The following FRY variants were observed in gnomAD, a reference collection of about 807,000 sequenced individuals.
FRY encodes the protein FRY microtubule binding protein, also known as protein furry homolog.
FRY carries 128 observed loss-of-function variants against 348.4 expected under a neutral mutation model. The observed-to-expected ratio is 0.37, with a 90% CI of 0.32 to 0.43. FRY has a LOEUF of 0.43. FRY is among the 20% of genes least tolerant of loss of function. The pLI, the probability that FRY is intolerant of heterozygous loss-of-function variation, is 1.00. For missense variants in FRY, 2,736 were observed against 3,695.2 expected (o/e 0.74, Z 6.73); for synonymous variants, 1,370 against 1,374.7 (o/e 1.00, Z 0.08).
At chr13:32,058,457 T>G (rs1167751589) in intron 1 of FRY, among the ~76,000 whole-genome samples, 1 of 152,230 alleles carries the variant, frequency 6.6e-6, no homozygotes, top group Non-Finnish European at 1.5e-5. Flanking sequence ...AAAGGCATTC[T>G]CTTTCTATAC....
intron 17 of FRY, among the ~76,000 whole-genome samples, chr13:32,166,392 T>TC (rs1209286191): frequency 1.3e-5 from 2 of 152,156 alleles, no homozygotes; most frequent in African/African-American, 4.8e-5. Context: ...GGAACTGCTG[T>TC]CCCCCACCCT....
intron 8 of FRY, among the ~76,000 whole-genome samples, chr13:32,133,736 T>G (rs1879515047): frequency 2.0e-5 from 3 of 151,056 alleles, no homozygotes; most frequent in Admixed American, 1.3e-4. Context: ...ATATTTAGCC[T>G]TGGACTCTTT....
intron 3 of FRY, 89 bp from the exon 4 acceptor site, chr13:32,117,245 G>A (rs1878355091): frequency 2.6e-6 from 3 of 1,146,610 alleles, no homozygotes; most frequent in East Asian, 2.5e-5. Context: ...ATTTTAGTGA[G>A]TAGTGCTTGG....
At chr13:32,291,538 T>C (rs761050059) in intron 59 of FRY, among the ~76,000 whole-genome samples, 2 of 152,000 alleles carry the variant, frequency 1.3e-5, no homozygotes, top group Non-Finnish European at 2.9e-5. Flanking sequence ...CCTGAGTAGC[T>C]AGGATTACAG....
At chr13:32,231,885 T>C (rs1201118376) in intron 41 of FRY, among the ~76,000 whole-genome samples, 1 of 152,210 alleles carries the variant, frequency 6.6e-6, no homozygotes, top group Non-Finnish European at 1.5e-5. Flanking sequence ...CAACATGTTG[T>C]AAAACCATCT....
At chr13:32,146,104 A>T (rs762500150) in intron 11 of FRY, among the ~76,000 whole-genome samples, 1 of 151,384 alleles carries the variant, frequency 6.6e-6, no homozygotes, top group Non-Finnish European at 1.5e-5. Context: ...AGGCTCCAAA[A>T]CAGGAGCCCT....
At position 32,237,597 on chromosome 13, in the gene FRY, C is replaced by A. The variant is rs759503938; in HGVS notation, c.6029C>A (p.Thr2010Asn). 6.2e-7 allele frequency: 1 copy of A among 1,614,080 alleles called. No individual in the cohort carries two copies. The highest frequency in any genetic ancestry group is 1.1e-5 in the South Asian group (1 of 91,074). ...ACACTGGACAGAATTCAGGCTTGTA[C>A]CCAACAAGGCCTCTCCTCAAAAACC... ...SATLDRIQACTQQGLSSKTRS... is the reference protein window; with the variant it reads ...SATLDRIQACNQQGLSSKTRS... The change falls in exon 44 of 61, where the codon ACC (threonine) becomes AAC (asparagine). Residue 2010 changes from threonine (T) to asparagine (N), a missense_variant. By Grantham distance (65) the Thr-to-Asn change is moderately conservative. Transcript: ENST00000542859. This position sits in a 1 kb window ranked among gnomAD's most constrained non-coding sequence, Gnocchi z 6.3.
rs536682376 is a variant in FRY, at chr13:32,094,503, C to T, written c.271-7460C>T. On this transcript the variant is annotated intron_variant, in intron 2 of 60. Coordinates refer to ENST00000542859, the MANE Select transcript of FRY (RefSeq NM_023037.3). ...TACCCATTAACTATCCCCACCTCCCCACTAACCCCCCACTATCCTTCCCAG... is the reference window on the plus strand; with the variant it reads ...TACCCATTAACTATCCCCACCTCCCTACTAACCCCCCACTATCCTTCCCAG... 2.0e-5 allele frequency among the ~76,000 whole-genome samples: 3 copies of T among 152,204 alleles called. No individual in the cohort carries two copies. The East Asian group carries it at 5.8e-4, about 29-fold the overall frequency.
At chr13:32,267,495 T>C in intron 55 of FRY, 136 bp downstream of exon 55, 1 of 751,836 alleles carries the variant, frequency 1.3e-6, no homozygotes, top group Non-Finnish European at 2.3e-6. Context: ...CTAAATTTCC[T>C]CTGACTTTGA....
intron 1 of FRY, among the ~76,000 whole-genome samples, chr13:32,077,128 G>GTGTGC (rs1875128482): frequency 6.6e-6 from 1 of 152,174 alleles, no homozygotes; most frequent in Non-Finnish European, 1.5e-5. Flanking sequence ...AGTGAAGCCA[G>GTGTGC]TGTGCTCACA....
At chr13:32,247,559 G>C (rs1886872937) in intron 48 of FRY, 57 bp downstream of exon 48, 2 of 1,309,626 alleles carry the variant, frequency 1.5e-6, no homozygotes, top group Non-Finnish European at 1.1e-6. Flanking sequence ...TAGTAGCAAA[G>C]ATCAAAAGTA....
chr13:32,282,484 C>A (rs183113438), intron 58 of FRY, among the ~76,000 whole-genome samples: 2 of 152,308 alleles, frequency 1.3e-5, no homozygotes, highest in African/African-American at 2.4e-5. Context: ...AAAGTAAATT[C>A]TTGAATAAAG....
chr13:32,237,698 A>G lies in FRY; in HGVS notation c.6130A>G (p.Ile2044Val), dbSNP rs1196494497. The G allele has an allele frequency of 6.2e-7, 1 of 1,614,116 alleles. No individual in the cohort carries two copies. Residue 2044 changes from isoleucine (I) to valine (V), a missense_variant, in exon 44 of 61, where the codon ATA becomes GTA. Transcript: ENST00000542859. The surrounding 1 kb of genome is among the most constrained non-coding windows in gnomAD (Gnocchi z 6.3). ...CCATCCCACCAACCTGCTGGCCACCATATTCTGGGTCACAGTGGCCTTGAT... is the reference window on the plus strand; with the variant it reads ...CCATCCCACCAACCTGCTGGCCACCGTATTCTGGGTCACAGTGGCCTTGAT... ...INHPTNLLAT[I>V]FWVTVALMES...
At chr13:32,031,999 C>CTTTTTCTT in intron 1 of FRY, 134 bp downstream of exon 1, 5 of 617,504 alleles carry the variant, frequency 8.1e-6, no homozygotes, top group South Asian at 3.7e-5. Flanking sequence ...CTTTTCTTTT[C>CTTTTTCTT]TCTTTCTTTC....
chr13:32,246,444 A>T (rs1346955583), intron 47 of FRY, among the ~76,000 whole-genome samples: 4 of 152,210 alleles, frequency 2.6e-5, no homozygotes, highest in African/African-American at 9.7e-5. Context: ...GGGGAAATGT[A>T]TTCAAGGATG....
chr13:32,169,768 G>T (rs1273443425), intron 17 of FRY, among the ~76,000 whole-genome samples: 1 of 151,970 alleles, frequency 6.6e-6, no homozygotes, highest in East Asian at 1.9e-4. Context: ...ATCTTAGGAG[G>T]GTCTCTCTTA....
chr13:32,043,479 A>G (rs1872854567), intron 1 of FRY, among the ~76,000 whole-genome samples: 1 of 152,244 alleles, frequency 6.6e-6, no homozygotes, highest in Non-Finnish European at 1.5e-5. Context: ...GGTCTTTACC[A>G]TGACACTGTT....
At chr13:32,276,335 C>G (rs1213991457) in intron 56 of FRY, 129 bp from the exon 57 acceptor site, 2 of 684,940 alleles carry the variant, frequency 2.9e-6, no homozygotes, top group Non-Finnish European at 5.4e-6. Context: ...CCAAATTTCA[C>G]AGCTTATTAA....
intron 11 of FRY, among the ~76,000 whole-genome samples, chr13:32,137,288 A>G (rs886517451): frequency 6.6e-6 from 1 of 152,222 alleles, no homozygotes; most frequent in Admixed American, 6.5e-5. Flanking sequence ...AAATAGAATA[A>G]GGGCCACATT....
Sources: allele counts gnomAD v4.1 joint callset (sites outside exome capture counted in the v4.1 genomes callset), GRCh38; gene constraint gnomAD v4.1.1; non-coding constraint Gnocchi (gnomAD v3.1); transcripts MANE v1.5; gene names NCBI Gene and HGNC (gene_info 2026-07-23, HGNC 2026-07-21).